ARHGEF28: variants seen among roughly 807,000 people sequenced by gnomAD.
ARHGEF28 encodes 190 kDa guanine nucleotide exchange factor.
A neutral mutation model predicts 206.6 loss-of-function variants in ARHGEF28; 152 were observed. That is an observed-to-expected ratio of 0.74 (90% CI 0.64 to 0.84). The LOEUF (loss-of-function observed/expected upper bound fraction) is 0.84. Ranked by LOEUF, ARHGEF28 falls within the 40% of genes least tolerant of loss-of-function variation. The pLI, the probability that ARHGEF28 is intolerant of heterozygous loss-of-function variation, is 0.00. For synonymous variants in ARHGEF28, 763 were observed against 776.4 expected (o/e 0.98, Z 0.29); for missense variants, 2,028 against 2,073.2 (o/e 0.98, Z 0.42).
At chr5:73,695,071 C>T (rs1032349896) in intron 2 of ARHGEF28, among the ~76,000 whole-genome samples, 14 of 152,142 alleles carry the variant, frequency 9.2e-5, no homozygotes, top group African/African-American at 2.2e-4. Flanking sequence ...TCAGAAAGCA[C>T]GAAGGCCCTG....
chr5:73,862,746 T>A (rs1759470876), intron 16 of ARHGEF28, among the ~76,000 whole-genome samples: 1 of 152,102 alleles, frequency 6.6e-6, no homozygotes, highest in Non-Finnish European at 1.5e-5. Context: ...ATCTTTCAAG[T>A]ATAATTTTCT....
chr5:73,631,624 T>C (rs1191670169), intron 1 of ARHGEF28, among the ~76,000 whole-genome samples: 1 of 152,198 alleles, frequency 6.6e-6, no homozygotes, highest in Non-Finnish European at 1.5e-5. Context: ...GCTTCCTACA[T>C]TGCACAGTGC....
intron 22 of ARHGEF28, among the ~76,000 whole-genome samples, chr5:73,880,229 G>A (rs1389576983): frequency 6.6e-6 from 1 of 152,200 alleles, no homozygotes; most frequent in Admixed American, 6.5e-5. Context: ...GACCCTCCGA[G>A]CCAGGTGTGG....
chr5:73,901,224 T>C lies in ARHGEF28; in HGVS notation c.4014T>C (p.Asp1338=). Residue 1338 remains aspartate, a synonymous_variant, in exon 31 of 36, where the codon GAT becomes GAC. Coordinates refer to ENST00000513042, the MANE Select transcript of ARHGEF28 (RefSeq NM_001177693.2). ...GGAGAGAAGGAAGAGGCTGTTCGGA[T>C]GTGGATCCCGGGATCCAGGGTGTGG... ...TGGREGRGCS[D]VDPGIQGVVT... is the part of the protein sequence containing the mutation. The C allele has an allele frequency of 6.2e-7, 1 of 1,613,324 alleles. No homozygotes were observed. Among genetic ancestry groups the C allele is most frequent in the Non-Finnish European group, 8.5e-7 (1 of 1,179,574 alleles).
intron 2 of ARHGEF28, among the ~76,000 whole-genome samples, chr5:73,713,457 G>A (rs1003747980): frequency 3.9e-5 from 6 of 152,154 alleles, no homozygotes; most frequent in African/African-American, 1.4e-4. Context: ...CTGTTGGAAC[G>A]GGTGAGAGAT....
chr5:73,782,901 T>A (rs1275563569), intron 7 of ARHGEF28, among the ~76,000 whole-genome samples: 1 of 152,216 alleles, frequency 6.6e-6, no homozygotes, highest in African/African-American at 2.4e-5. Context: ...ATGGCAATGC[T>A]GACTGCATTT....
At chr5:73,804,101 A>G (rs2112503314) in intron 9 of ARHGEF28, among the ~76,000 whole-genome samples, 1 of 151,636 alleles carries the variant, frequency 6.6e-6, no homozygotes, top group East Asian at 1.9e-4. Flanking sequence ...AAAAAAAAAA[A>G]AAAAAAGAAA....
At chr5:73,891,812 G>A (rs140543503) in intron 26 of ARHGEF28, among the ~76,000 whole-genome samples, 42 of 152,236 alleles carry the variant, frequency 2.8e-4, no homozygotes, top group African/African-American at 9.1e-4. Flanking sequence ...GGAGGGAGCC[G>A]TTGGGCCCGG....
chr5:73,882,676 A>G (rs1344651182), intron 23 of ARHGEF28, 82 bp downstream of exon 23: 1 of 1,263,758 alleles, frequency 7.9e-7, no homozygotes, highest in Admixed American at 3.5e-5. Flanking sequence ...GATTTAAACA[A>G]ATTTCTTAGC....
intron 2 of ARHGEF28, among the ~76,000 whole-genome samples, chr5:73,702,806 T>C (rs1346864306): frequency 6.6e-6 from 1 of 152,050 alleles, no homozygotes; most frequent in African/African-American, 2.4e-5. Flanking sequence ...CCTTTGGGAG[T>C]AGGGATTTCT....
At chr5:73,904,658 G>A (rs1236832479) in intron 33 of ARHGEF28, 9 of 485,984 alleles carry the variant, frequency 1.9e-5, no homozygotes, top group South Asian at 3.8e-5. Context: ...TGATGAATAT[G>A]ATCTGGCTTG....
chr5:73,676,776 C>T (rs1746721034), intron 1 of ARHGEF28, among the ~76,000 whole-genome samples: 1 of 152,132 alleles, frequency 6.6e-6, no homozygotes, highest in Non-Finnish European at 1.5e-5. Context: ...TTTTGAAGAT[C>T]TGCCTCTAAA....
chr5:73,753,285 C>G, intron 4 of ARHGEF28, 83 bp downstream of exon 4: 1 of 1,391,616 alleles, frequency 7.2e-7, no homozygotes, highest in Non-Finnish European at 9.4e-7. Context: ...GTGTTCCCCT[C>G]GGCAGGTTTT....
chr5:73,802,818 CA>C (rs111274274), intron 9 of ARHGEF28, among the ~76,000 whole-genome samples: 8,206 of 129,970 alleles, frequency 0.063, 307 homozygotes, highest in African/African-American at 0.11. Flanking sequence ...TAGGCATTTA[CA>C]AAAAAAAAAA....
chr5:73,694,734 T>C (rs1321126098), intron 2 of ARHGEF28, among the ~76,000 whole-genome samples: 1 of 152,224 alleles, frequency 6.6e-6, no homozygotes, highest in Non-Finnish European at 1.5e-5. Flanking sequence ...CCTCTCCATA[T>C]CTTGATGCTG....
intron 10 of ARHGEF28, 100 bp from the exon 11 acceptor site, chr5:73,840,380 G>A (rs568347875): frequency 6.4e-6 from 8 of 1,243,652 alleles, no homozygotes; most frequent in South Asian, 3.0e-5. Flanking sequence ...CTCCTACCAC[G>A]CCTGGCCAGA....
intron 7 of ARHGEF28, 39 bp from the exon 8 acceptor site, chr5:73,794,363 G>A (rs566014145): frequency 5.0e-5 from 76 of 1,523,222 alleles, no homozygotes; most frequent in Middle Eastern, 1.7e-4. Flanking sequence ...CTTAACAAAA[G>A]CTCCCATCAG....
chr5:73,917,781 C>T (rs1029640566), intron 35 of ARHGEF28, among the ~76,000 whole-genome samples: 5 of 152,170 alleles, frequency 3.3e-5, no homozygotes, highest in Non-Finnish European at 7.3e-5. Flanking sequence ...TGGCCCTGGC[C>T]ATCCTGAGCT....
chr5:73,837,489 C>T lies in ARHGEF28; in HGVS notation c.1147-2991C>T, dbSNP rs538758919. On this transcript the variant is annotated intron_variant, in intron 10 of 35. Transcript: ENST00000513042. Reference sequence around the variant, plus strand: ...GTTTAAATAAAATACTTCTTGAGCCCTTATTTTTTTTGTTCTGAGCCTTAG... The same window carrying T: ...GTTTAAATAAAATACTTCTTGAGCCTTTATTTTTTTTGTTCTGAGCCTTAG... 1.9e-3 allele frequency among the ~76,000 whole-genome samples: 294 copies of T among 152,008 alleles called. 1 individual carries two copies. The highest frequency in any genetic ancestry group is 4.7e-3 in the Admixed American group (72 of 15,280).
Sources: gnomAD v4.1 joint callset for allele counts (sites outside exome capture counted in the v4.1 genomes callset) on GRCh38, gnomAD v4.1.1 for gene constraint, MANE v1.5 for transcripts, NCBI Gene and HGNC (gene_info 2026-07-23, HGNC 2026-07-21) for gene names.